Variants in ANKRD33B observed in about 807,000 individuals in gnomAD.
ANKRD33B encodes ankyrin repeat domain 33B.
A neutral mutation model predicts 21.5 loss-of-function variants in ANKRD33B; 6 were observed. The ratio of observed to expected loss-of-function variants is 0.28; its 90% CI spans 0.15 to 0.55. The LOEUF is 0.55. Among genes scored for constraint, ANKRD33B ranks in the 20% least tolerant of loss-of-function variants. ANKRD33B has a pLI of 0.94. For synonymous variants in ANKRD33B, 347 were observed against 342.4 expected, an observed-to-expected ratio of 1.01 and a Z score of -0.15; for missense variants, 698 against 747.2, an observed-to-expected ratio of 0.93 and a Z score of 0.77.
chr5:10,580,966 G>A (rs1735431765), intron 1 of ANKRD33B, among the ~76,000 whole-genome samples: 1 of 152,024 alleles, frequency 6.6e-6, no homozygotes, highest in East Asian at 1.9e-4. Context: ...TAAGTCTTCT[G>A]CTTCCCAAGG....
chr5:10,593,694 A>C (rs1405108858), intron 1 of ANKRD33B, among the ~76,000 whole-genome samples: 1 of 151,716 alleles, frequency 6.6e-6, no homozygotes, highest in African/African-American at 2.4e-5. Flanking sequence ...GGGGGCTAAC[A>C]TCAGACCCCG....
intron 2 of ANKRD33B, among the ~76,000 whole-genome samples, chr5:10,620,445 G>A (rs934007819): frequency 3.3e-5 from 5 of 152,152 alleles, no homozygotes; most frequent in Admixed American, 6.5e-5. Flanking sequence ...CCAAAATCTG[G>A]TCCCTGCTAG....
At chr5:10,575,486 A>G (rs1033318958) in intron 1 of ANKRD33B, among the ~76,000 whole-genome samples, 3 of 152,092 alleles carry the variant, frequency 2.0e-5, no homozygotes, top group Admixed American at 2.0e-4. Context: ...ATGAATAAGT[A>G]AACAGGGCCT....
intron 1 of ANKRD33B, among the ~76,000 whole-genome samples, chr5:10,584,670 C>T (rs9790901): frequency 0.35 from 53,768 of 152,070 alleles, 11,093 homozygotes; most frequent in East Asian, 0.6. Context: ...ATTTATTGGA[C>T]AGGGGTACCT....
intron 1 of ANKRD33B, among the ~76,000 whole-genome samples, chr5:10,574,231 A>G (rs959219): frequency 0.64 from 98,097 of 152,200 alleles, 32,409 homozygotes; most frequent in East Asian, 0.79. Flanking sequence ...ATTTCTTTCA[A>G]TTAAAAGGAT....
chr5:10,606,765 G>T (rs552737251), intron 1 of ANKRD33B, among the ~76,000 whole-genome samples: 82 of 147,018 alleles, frequency 5.6e-4, no homozygotes, highest in Non-Finnish European at 1.0e-3. Context: ...GTCTTGCTCT[G>T]TCGCCCAGGT....
intron 2 of ANKRD33B, among the ~76,000 whole-genome samples, chr5:10,629,993 A>G (rs1052997037): frequency 7.2e-5 from 11 of 152,216 alleles, no homozygotes; most frequent in African/African-American, 2.7e-4. Flanking sequence ...CAGTGAGAGT[A>G]GATGGATCTG....
At position 10,652,355 on chromosome 5, in the gene ANKRD33B, A is replaced by C. The variant is rs1366029949; in HGVS notation, c.*2242A>C. 6.6e-6 allele frequency: 1 copy of C among 152,384 alleles called. No homozygotes were observed. Among genetic ancestry groups the C allele is most frequent in the Admixed American group, 6.5e-5 (1 of 15,274 alleles). The allele number at this position is 152,384 out of a possible 1,614,324, so 9.4% of individuals were successfully genotyped here. ...CCGCATTGAGAACCGCAGCTCTAACACAGTGATTGCGAGAGGACACCCATT... is the reference window on the plus strand; with the variant it reads ...CCGCATTGAGAACCGCAGCTCTAACCCAGTGATTGCGAGAGGACACCCATT... On this transcript the variant is annotated 3_prime_UTR_variant, in exon 4 of 4. Transcript: ENST00000296657. The surrounding 1 kb of genome is among the most constrained non-coding windows in gnomAD (Gnocchi z 4.1).
chr5:10,566,642 C>G (rs1735070245), intron 1 of ANKRD33B, among the ~76,000 whole-genome samples: 1 of 152,210 alleles, frequency 6.6e-6, no homozygotes, highest in Admixed American at 6.5e-5. Flanking sequence ...TGTTTGAAAA[C>G]AGCTGCATTG....
intron 2 of ANKRD33B, among the ~76,000 whole-genome samples, chr5:10,634,542 C>G (rs1736810048): frequency 6.6e-6 from 1 of 150,746 alleles, no homozygotes; most frequent in South Asian, 2.1e-4. Flanking sequence ...TCACTGCAAC[C>G]TCCACCTCCT....
At chr5:10,575,689 C>T (rs1735305659) in intron 1 of ANKRD33B, among the ~76,000 whole-genome samples, 1 of 152,154 alleles carries the variant, frequency 6.6e-6, no homozygotes, top group Admixed American at 6.5e-5. Context: ...CACCGACTTA[C>T]CCTTGCTGAT....
At chr5:10,595,900 G>A (rs1440217457) in intron 1 of ANKRD33B, among the ~76,000 whole-genome samples, 1 of 152,190 alleles carries the variant, frequency 6.6e-6, no homozygotes, top group Non-Finnish European at 1.5e-5. Context: ...AAACAGAGAG[G>A]GAGAAGGCTG....
chr5:10,625,688 C>T (rs1736530651), intron 2 of ANKRD33B, among the ~76,000 whole-genome samples: 1 of 152,180 alleles, frequency 6.6e-6, no homozygotes, highest in South Asian at 2.1e-4. Flanking sequence ...GTACTTGCTT[C>T]TTAAATATTT....
chr5:10,612,267 C>T (rs183061145), intron 1 of ANKRD33B, among the ~76,000 whole-genome samples: 133 of 152,300 alleles, frequency 8.7e-4, no homozygotes, highest in African/African-American at 3.1e-3. Flanking sequence ...ATTTATTTCT[C>T]ACTGTTTGGA....
intron 1 of ANKRD33B, among the ~76,000 whole-genome samples, chr5:10,572,872 A>G (rs35778288): frequency 0.12 from 18,091 of 152,236 alleles, 1,134 homozygotes; most frequent in Middle Eastern, 0.19. Flanking sequence ...AGGGCCAGGT[A>G]AGCATCCCAG....
At chr5:10,635,711 C>A (rs531500994) in intron 2 of ANKRD33B, among the ~76,000 whole-genome samples, 8 of 152,176 alleles carry the variant, frequency 5.3e-5, no homozygotes, top group Non-Finnish European at 1.0e-4. Flanking sequence ...AAGAGCAAAC[C>A]CACAGGATTT....
chr5:10,616,433 A>G (rs1050807274), intron 1 of ANKRD33B, among the ~76,000 whole-genome samples: 1 of 152,018 alleles, frequency 6.6e-6, no homozygotes, highest in African/African-American at 2.4e-5. Flanking sequence ...GCGTGGTGGC[A>G]CATGACTGTA....
intron 2 of ANKRD33B, chr5:10,624,918 A>G (rs1736509653): frequency 5.0e-6 from 2 of 403,070 alleles, no homozygotes; most frequent in Non-Finnish European, 9.8e-6. Flanking sequence ...GAGCAGATCA[A>G]CAGGTTTCCT....
intron 1 of ANKRD33B, among the ~76,000 whole-genome samples, chr5:10,586,404 C>T (rs1735560372): frequency 6.6e-6 from 1 of 151,914 alleles, no homozygotes; most frequent in Non-Finnish European, 1.5e-5. Flanking sequence ...GGTGCCACAG[C>T]CAGTGGCTCT....
Sources: allele counts gnomAD v4.1 joint callset (sites outside exome capture counted in the v4.1 genomes callset), GRCh38; gene constraint gnomAD v4.1.1; non-coding constraint Gnocchi (gnomAD v3.1); transcripts MANE v1.5; gene names NCBI Gene and HGNC (gene_info 2026-07-23, HGNC 2026-07-21).